Variants in RASAL2 observed in about 807,000 individuals in gnomAD.
RASAL2 encodes RAS protein activator like 2, also known as ras GTPase-activating protein nGAP.
A neutral mutation model predicts 128.9 loss-of-function variants in RASAL2; 58 were observed. That is an observed-to-expected ratio of 0.45 (90% CI 0.36 to 0.56). The LOEUF (loss-of-function observed/expected upper bound fraction) is 0.56. RASAL2 is among the 20% of genes least tolerant of loss of function. The pLI is 0.00. For synonymous variants in RASAL2, 561 were observed against 580.8 expected, an observed-to-expected ratio of 0.97 and a Z score of 0.49; for missense variants, 1,360 against 1,601.6, an observed-to-expected ratio of 0.85 and a Z score of 2.57.
rs141912988 is a variant in RASAL2 at position 178,379,241 on chromosome 1, C to A, written c.458-10859C>A. On this transcript the variant is annotated intron_variant, in intron 3 of 17. Transcript: ENST00000367649. The stretch of plus-strand genomic sequence containing the variant: ...AACCATTAAAGAAACAGAGGCTAGA[C>A]ACAGTGGAGCACACCTGTAGTCTCA... 8.3e-4 allele frequency among the ~76,000 whole-genome samples: 127 copies of A among 152,150 alleles called. 1 individual carries two copies. Among genetic ancestry groups the A allele is most frequent in the African/African-American group, 2.9e-3 (120 of 41,520 alleles).
At chr1:178,161,733 G>A (rs1415343800) in intron 1 of RASAL2, among the ~76,000 whole-genome samples, 2 of 151,880 alleles carry the variant, frequency 1.3e-5, no homozygotes, top group Admixed American at 6.6e-5. Flanking sequence ...AGGATTCCAC[G>A]TTTTCCACAT....
intron 1 of RASAL2, among the ~76,000 whole-genome samples, chr1:178,141,975 G>A (rs1660550017): frequency 1.3e-5 from 2 of 152,108 alleles, no homozygotes; most frequent in East Asian, 1.9e-4. Context: ...TCTTGGTAAG[G>A]GGAGCTACTG....
At chr1:178,229,312 AT>A (rs1663908447) in intron 1 of RASAL2, among the ~76,000 whole-genome samples, 1 of 152,194 alleles carries the variant, frequency 6.6e-6, no homozygotes, top group African/African-American at 2.4e-5. Context: ...AGTTGTCCCA[AT>A]AATGTCTTTC....
intron 1 of RASAL2, among the ~76,000 whole-genome samples, chr1:178,230,640 T>G (rs2102021445): frequency 6.6e-6 from 1 of 152,206 alleles, no homozygotes; most frequent in East Asian, 1.9e-4. Flanking sequence ...AAGAAAGAAT[T>G]TAGGGGCATA....
intron 4 of RASAL2, among the ~76,000 whole-genome samples, chr1:178,408,561 T>C (rs755795060): frequency 6.6e-6 from 1 of 151,984 alleles, no homozygotes; most frequent in Non-Finnish European, 1.5e-5. Flanking sequence ...ACAATAGTAG[T>C]TTTTTTGTTT....
At chr1:178,225,331 G>A (rs994145278) in intron 1 of RASAL2, among the ~76,000 whole-genome samples, 1 of 151,832 alleles carries the variant, frequency 6.6e-6, no homozygotes, top group Admixed American at 6.6e-5. Flanking sequence ...TATAAAAAAT[G>A]AAATTCTACC....
In RASAL2 at chr1:178,466,053, A is replaced by G; in HGVS notation, c.3521A>G (p.Glu1174Gly). Residue 1174 changes from glutamate to glycine, a missense_variant, in exon 16 of 18, where the codon GAG becomes GGG. Glu to Gly is a moderately conservative substitution (Grantham distance 98). This residue lies in a region of RASAL2 where 741 missense variants were observed against 868.6 expected (regional missense o/e 0.85). Transcript: ENST00000367649. ...CTGCTGGAATACAAGGCCCGACTGG[A>G]GGACAGCGAGGAGCGGCTCCGAAGA... ...KLLLEYKARL[E>G]DSEERLRRQQ... 1 of 1,583,064 alleles carries G rather than the reference A, an allele frequency of 6.3e-7. No individual in the cohort carries two copies. The highest frequency in any genetic ancestry group is 8.6e-7 in the Non-Finnish European group (1 of 1,163,038).
intron 8 of RASAL2, 147 bp downstream of exon 8, chr1:178,443,376 C>T: frequency 1.3e-6 from 1 of 756,750 alleles, no homozygotes; most frequent in Non-Finnish European, 2.0e-6. Context: ...CCTATTAGAT[C>T]CAGAAAAGAT....
At chr1:178,222,089 T>G (rs1450478114) in intron 1 of RASAL2, among the ~76,000 whole-genome samples, 2 of 152,210 alleles carry the variant, frequency 1.3e-5, no homozygotes, top group African/African-American at 4.8e-5. Flanking sequence ...GTTAGCACAG[T>G]ATAGCTTTCT....
intron 10 of RASAL2, 115 bp downstream of exon 10, chr1:178,451,830 G>T (rs1017431178): frequency 5.2e-5 from 68 of 1,316,696 alleles, no homozygotes; most frequent in Non-Finnish European, 6.7e-5. Flanking sequence ...TACAACCAAA[G>T]GGGAGGGTCT....
At position 178,326,206 on chromosome 1, in the gene RASAL2, A is replaced by G. The variant is rs189498835; in HGVS notation, c.457+26088A>G. On this transcript the variant is annotated intron_variant, in intron 3 of 17. Coordinates refer to ENST00000367649, the MANE Select transcript of RASAL2 (RefSeq NM_170692.4). ...TAATTTTGCAGAATCTCATGTACCC[A>G]TGTAAAAGGCTGGATTATATGTTTT... is the stretch of plus-strand genomic sequence containing the variant. Among the ~76,000 whole-genome samples the G allele has an allele frequency of 2.6e-5, 4 of 152,294 alleles. No homozygotes were observed. In the East Asian group the frequency reaches 7.7e-4, roughly 29 times the overall value.
At chr1:178,119,696 G>A (rs185473616) in intron 1 of RASAL2, among the ~76,000 whole-genome samples, 13 of 152,254 alleles carry the variant, frequency 8.5e-5, no homozygotes, top group Admixed American at 5.2e-4. Context: ...TATTTTCATG[G>A]ATATCCTCCT....
intron 2 of RASAL2, among the ~76,000 whole-genome samples, chr1:178,289,201 A>G (rs529714360): frequency 6.3e-4 from 96 of 152,092 alleles, no homozygotes; most frequent in African/African-American, 2.2e-3. Context: ...TCTCATCTTA[A>G]TCTGTTAATG....
chr1:178,266,811 C>T (rs956474479), intron 1 of RASAL2, among the ~76,000 whole-genome samples: 2 of 152,164 alleles, frequency 1.3e-5, no homozygotes, highest in African/African-American at 4.8e-5. Context: ...AACTGGCCCT[C>T]CCACCCTAGC....
intron 3 of RASAL2, among the ~76,000 whole-genome samples, chr1:178,321,350 T>C (rs1377740502): frequency 6.6e-6 from 1 of 152,096 alleles, no homozygotes; most frequent in Non-Finnish European, 1.5e-5. Flanking sequence ...CCTCCCAAAG[T>C]GCTGCAATTA....
intron 1 of RASAL2, among the ~76,000 whole-genome samples, chr1:178,254,184 G>C (rs1316150214): frequency 6.6e-6 from 1 of 152,018 alleles, no homozygotes; most frequent in Non-Finnish European, 1.5e-5. Flanking sequence ...ATCTTTTGCT[G>C]CTCCTTCTTC....
At chr1:178,143,478 C>T (rs1402949263) in intron 1 of RASAL2, among the ~76,000 whole-genome samples, 1 of 152,026 alleles carries the variant, frequency 6.6e-6, no homozygotes, top group Non-Finnish European at 1.5e-5. Context: ...ATTAAATTAA[C>T]TTGCCATTGT....
Position 178,467,426 on chromosome 1 carries a change from G to T in RASAL2, c.3678+5G>T. 6.2e-7 allele frequency: 1 copy of T among 1,612,022 alleles called. No individual in the cohort carries two copies. Among genetic ancestry groups the T allele is most frequent in the South Asian group, 1.1e-5 (1 of 91,020 alleles). ...CAGAAAATAATTGATGCACAGGTAAGCAGGCTTTGAATCTAATAGAAGGCA... is the reference window on the plus strand; with the variant it reads ...CAGAAAATAATTGATGCACAGGTAATCAGGCTTTGAATCTAATAGAAGGCA... On this transcript the variant is annotated splice_donor_5th_base_variant and intron_variant, in intron 17 of 17. Coordinates refer to ENST00000367649, the MANE Select transcript of RASAL2 (RefSeq NM_170692.4).
chr1:178,304,027 C>T (rs1417806171), intron 3 of RASAL2, among the ~76,000 whole-genome samples: 1 of 152,088 alleles, frequency 6.6e-6, no homozygotes, highest in African/African-American at 2.4e-5. Context: ...AGGAATTACA[C>T]AGGTGTGTTC....
Sources: allele counts gnomAD v4.1 joint callset (sites outside exome capture counted in the v4.1 genomes callset), GRCh38; gene constraint gnomAD v4.1.1; regional missense constraint gnomAD v4.1.1; transcripts MANE v1.5; gene names NCBI Gene and HGNC (gene_info 2026-07-23, HGNC 2026-07-21).